Variants in MORC2 observed in about 807,000 individuals in gnomAD.
MORC2 encodes the protein ATPase MORC2.
A neutral mutation model predicts 136.0 loss-of-function variants in MORC2; 30 were observed. That is an observed-to-expected ratio of 0.22 (90% CI 0.17 to 0.30). The LOEUF (loss-of-function observed/expected upper bound fraction) is 0.30, where lower values mean the gene tolerates loss of function less well. Ranked by LOEUF, MORC2 falls within the 10% of genes least tolerant of loss-of-function variation. The pLI is 1.00. For missense variants in MORC2, 922 were observed against 1,333.1 expected (o/e 0.69, Z 4.80); for synonymous variants, 439 against 487.0 (o/e 0.90, Z 1.30).
In MORC2 at chr22:30,939,974, G is replaced by A; in HGVS notation, c.972C>T (p.Leu324=). Residue 324 remains leucine (L), a synonymous_variant, in exon 11 of 26, where the codon CTC becomes CTT. Transcript: ENST00000397641. ...GGGACCTTACCCTGGAGTCCCGCGT[G>A]AGGTCTCCACCTAGGCGTACTTCTA... The part of the protein sequence containing the change: ...RTLEVRLGGD[L]TRDSRVMLRQ... 2 of 1,613,902 alleles carry A rather than the reference G, an allele frequency of 1.2e-6. No homozygotes were observed. The highest frequency in any genetic ancestry group is 1.1e-5 in the South Asian group (1 of 91,060).
chr22:30,941,872 C>A lies in MORC2; in HGVS notation c.698+19G>T. The A allele has an allele frequency of 6.3e-7, 1 of 1,583,180 alleles. No individual in the cohort carries two copies. The highest frequency in any genetic ancestry group is 8.7e-7 in the Non-Finnish European group (1 of 1,152,912). On this transcript the variant is annotated intron_variant, in intron 8 of 25. Transcript: ENST00000397641. The surrounding 1 kb of genome is among the most constrained non-coding windows in gnomAD (Gnocchi z 4.6). ...AAACGCCAGTTCCAGGGCCTCCCTC[C>A]CTTCCCAGCCACACTCACGTGCCCT...
At chr22:30,933,375 A>G in intron 21 of MORC2, 91 bp downstream of exon 21, 2 of 1,407,900 alleles carry the variant, frequency 1.4e-6, no homozygotes, top group Non-Finnish European at 2.0e-6. Flanking sequence ...AGATTCAATG[A>G]GCCTTTGGTA....
At chr22:30,947,638 G>A (rs148137120) in intron 5 of MORC2, among the ~76,000 whole-genome samples, 1 of 152,080 alleles carries the variant, frequency 6.6e-6, no homozygotes. Context: ...CCAAGTCCTC[G>A]TTCTCCTCCT....
At position 30,941,782 on chromosome 22, in the gene MORC2, A is replaced by G; in HGVS notation, c.698+109T>C. ...CTGAGCTGGCCCTACATACTACCCT[A>G]CCACAGAACACTGGGCAATGAATGT... is the stretch of plus-strand genomic sequence containing the variant. On this transcript the variant is annotated intron_variant, in intron 8 of 25. Transcript: ENST00000397641. This position sits in a 1 kb window ranked among gnomAD's most constrained non-coding sequence, Gnocchi z 4.6. The G allele has an allele frequency of 1.1e-5, 13 of 1,182,558 alleles. No individual in the cohort carries two copies. The highest frequency in any genetic ancestry group is 1.6e-5 in the Non-Finnish European group (13 of 814,578). 73.3% of individuals were successfully genotyped at this position (1,182,558 alleles called of 1,614,324 possible).
intron 3 of MORC2, 25 bp downstream of exon 3, chr22:30,956,738 T>G (rs948573493): frequency 6.6e-7 from 1 of 1,516,174 alleles, no homozygotes; most frequent in Non-Finnish European, 9.0e-7. Context: ...GAACTAGACA[T>G]TAGAAGGACT....
At chr22:30,935,446 C>A in intron 17 of MORC2, 124 bp from the exon 18 acceptor site, 1 of 890,390 alleles carries the variant, frequency 1.1e-6, no homozygotes, top group Admixed American at 2.3e-5. Context: ...CCTACTCTTA[C>A]AAACCTCCTG....
rs201032497 is a variant in MORC2 at position 30,934,868 on chromosome 22, G to T, written c.2106C>A (p.Asn702Lys). Residue 702 changes from asparagine (N) to lysine (K), a missense_variant, in exon 19 of 26, where the codon AAC becomes AAA. Asn to Lys is a moderately conservative substitution (Grantham distance 94). Around this residue, in one of 9 missense-constraint regions of MORC2, gnomAD observed 184 missense variants for 180.3 expected, o/e 1.02. Coordinates refer to ENST00000397641, the MANE Select transcript of MORC2 (RefSeq NM_001303256.3). The surrounding 1 kb of genome is among the most constrained non-coding windows in gnomAD (Gnocchi z 4.4). ...AAGGAACCTCCCGAGGGCTCTTGGA[G>T]TTGGGCAGTAAAGATGGTGACAGTT... ...VQQLSPSLLP[N>K]SKSPREVPSP... 15 of 1,614,060 alleles carry T rather than the reference G, an allele frequency of 9.3e-6. No homozygotes were observed. The highest frequency in any genetic ancestry group is 1.3e-5 in the Non-Finnish European group (15 of 1,180,040).
At chr22:30,952,918 A>G (rs1395345209) in intron 3 of MORC2, among the ~76,000 whole-genome samples, 3 of 152,246 alleles carry the variant, frequency 2.0e-5, no homozygotes, top group Non-Finnish European at 4.4e-5. Context: ...TATTGGCTAG[A>G]GCAAAATGTA....
intron 3 of MORC2, among the ~76,000 whole-genome samples, chr22:30,951,179 C>A (rs1442142567): frequency 6.6e-6 from 1 of 152,222 alleles, no homozygotes; most frequent in Non-Finnish European, 1.5e-5. Flanking sequence ...AGATGCACAG[C>A]AGCTGTGGTG....
At chr22:30,943,568 G>A (rs1042733208) in intron 6 of MORC2, among the ~76,000 whole-genome samples, 3 of 152,106 alleles carry the variant, frequency 2.0e-5, no homozygotes, top group Non-Finnish European at 2.9e-5. Flanking sequence ...TTATGAGGCC[G>A]CAGCCCTTGC....
rs1220867120 is a variant in MORC2, at chr22:30,932,031, C to G, written c.2841+328G>C. On this transcript the variant is annotated intron_variant, in intron 24 of 25. Coordinates refer to ENST00000397641, the MANE Select transcript of MORC2 (RefSeq NM_001303256.3). The surrounding 1 kb of genome is among the most constrained non-coding windows in gnomAD (Gnocchi z 4.4). ...GTTGCCTGGGACAGGTTTACTCCCT[C>G]TACTGGGGCAGAAGAAAGTGGGTAT... Among the ~76,000 whole-genome samples the G allele has an allele frequency of 6.6e-6, 1 of 152,260 alleles. No individual in the cohort carries two copies. Among genetic ancestry groups the G allele is most frequent in the Non-Finnish European group, 1.5e-5 (1 of 68,048 alleles).
intron 12 of MORC2, 151 bp from the exon 13 acceptor site, chr22:30,938,356 G>T: frequency 1.2e-6 from 1 of 844,494 alleles, no homozygotes. Context: ...GACTTGATAT[G>T]GACATGCACT....
intron 6 of MORC2, among the ~76,000 whole-genome samples, chr22:30,945,790 C>T (rs530532067): frequency 6.6e-6 from 1 of 152,330 alleles, no homozygotes; most frequent in Non-Finnish European, 1.5e-5. Context: ...ACTCCCAAGA[C>T]GAGACCCACA....
chr22:30,928,267 C>G (rs1173080905), intron 24 of MORC2, 60 bp from the exon 25 acceptor site: 2 of 1,559,752 alleles, frequency 1.3e-6, no homozygotes, highest in Non-Finnish European at 1.8e-6. Context: ...CAGGGCCCTT[C>G]TAGGCTGACA....
Position 30,937,156 on chromosome 22 carries a change from C to G in MORC2, c.1499-119G>C. ...GACTTTGTAGGCAAAGATCTTCACT[C>G]GGGCTCCAACTCTGCCTATCCTTAG... On this transcript the variant is annotated intron_variant, in intron 15 of 25. Transcript: ENST00000397641. This position sits in a 1 kb window ranked among gnomAD's most constrained non-coding sequence, Gnocchi z 4.7. The G allele has an allele frequency of 1.4e-6, 1 of 712,056 alleles. No individual in the cohort carries two copies. Among genetic ancestry groups the G allele is most frequent in the East Asian group, 2.7e-5 (1 of 37,342 alleles). 44.1% of individuals were successfully genotyped at this position (712,056 alleles called of 1,614,324 possible).
intron 10 of MORC2, 69 bp downstream of exon 10, chr22:30,940,689 C>A: frequency 1.4e-6 from 2 of 1,396,498 alleles, no homozygotes; most frequent in South Asian, 2.3e-5. Context: ...TCCTGGAACC[C>A]CACTTTGCCC....
At position 30,935,132 on chromosome 22, in the gene MORC2, C is replaced by T. The variant is rs1338724565; in HGVS notation, c.1842G>A (p.Arg614=). 1 of 1,613,268 alleles carries T rather than the reference C, an allele frequency of 6.2e-7. No homozygotes were observed. Among genetic ancestry groups the T allele is most frequent in the Non-Finnish European group, 8.5e-7 (1 of 1,179,612 alleles). Residue 614 remains arginine (R), a synonymous_variant, in exon 19 of 26, where the codon CGG becomes CGA. Coordinates refer to ENST00000397641, the MANE Select transcript of MORC2 (RefSeq NM_001303256.3). ...TGATCACAGCAGGTAAAGGGGGCGA[C>T]CGAGGACGCTGAGGTCTACGCACAG... is the stretch of plus-strand genomic sequence containing the variant. ...EEPVRRPQRP[R]SPPLPAVIRN...
intron 1 of MORC2, chr22:30,958,988 C>T: frequency 4.0e-6 from 1 of 250,630 alleles, no homozygotes; most frequent in Non-Finnish European, 7.7e-6. Flanking sequence ...GTGTTTTTCA[C>T]TATTCATATC....
chr22:30,935,287 C>T lies in MORC2; in HGVS notation c.1773G>A (p.Lys591=), dbSNP rs756333550. ...TGGTGGTCACTTCCAAGGGCAATTT[C>T]TTCAGGTCTGCTTGGGAGCGGATGG... ...TTPIRSQADL[K]KLPLEVTTRP... is the part of the protein sequence containing the mutation. Residue 591 remains lysine, a synonymous_variant, in exon 18 of 26, where the codon AAG becomes AAA. Transcript: ENST00000397641. 8 of 1,613,958 alleles carry T rather than the reference C, an allele frequency of 5.0e-6. No individual in the cohort carries two copies. Among genetic ancestry groups the T allele is most frequent in the Non-Finnish European group, 5.9e-6 (7 of 1,179,968 alleles).
Sources: allele counts gnomAD v4.1 joint callset (sites outside exome capture counted in the v4.1 genomes callset), GRCh38; gene constraint gnomAD v4.1.1; regional missense constraint gnomAD v4.1.1; non-coding constraint Gnocchi (gnomAD v3.1); transcripts MANE v1.5; gene names NCBI Gene and HGNC (gene_info 2026-07-23, HGNC 2026-07-21).